IL1RAPL1: variants seen among roughly 807,000 people sequenced by gnomAD.
The protein encoded by IL1RAPL1 is interleukin 1 receptor accessory protein like 1.
In IL1RAPL1, 3 loss-of-function variants were observed where a neutral mutation model predicts 48.4. The ratio of observed to expected loss-of-function variants is 0.06; its 90% CI spans 0.03 to 0.16. IL1RAPL1 has a LOEUF of 0.16. IL1RAPL1 is among the 10% of genes least tolerant of loss of function. IL1RAPL1 has a pLI of 1.00. For synonymous variants in IL1RAPL1, 185 were observed against 187.7 expected, an observed-to-expected ratio of 0.99 and a Z score of 0.12; for missense variants, 349 against 530.6, an observed-to-expected ratio of 0.66 and a Z score of 3.36.
chrX:28,818,916 A>G (rs1239646645), intron 2 of IL1RAPL1, among the ~76,000 whole-genome samples: 2 of 110,904 alleles, frequency 1.8e-5, no homozygotes, highest in African/African-American at 3.3e-5. Context: ...AAATATTGGA[A>G]GCATGTACAT....
chrX:29,660,143 C>A (rs2147096211), intron 5 of IL1RAPL1, among the ~76,000 whole-genome samples: 1 of 111,378 alleles, frequency 9.0e-6, no homozygotes, highest in African/African-American at 3.3e-5. Flanking sequence ...GAAGTCCGCC[C>A]CCATGATCCA....
intron 2 of IL1RAPL1, among the ~76,000 whole-genome samples, chrX:29,023,637 G>A (rs1926419715): frequency 8.9e-6 from 1 of 112,381 alleles, no homozygotes; most frequent in African/African-American, 3.2e-5. Context: ...GATGTGTTAT[G>A]CAAAAGAGGG....
chrX:29,068,048 A>G (rs1271204539), intron 2 of IL1RAPL1, among the ~76,000 whole-genome samples: 3 of 111,635 alleles, frequency 2.7e-5, no homozygotes, highest in Non-Finnish European at 3.8e-5. Context: ...TATCTCTAGT[A>G]TGATCATCTC....
chrX:29,807,366 G>A (rs1051615230), intron 6 of IL1RAPL1, among the ~76,000 whole-genome samples: 15 of 109,586 alleles, frequency 1.4e-4, no homozygotes, highest in African/African-American at 5.0e-4. Flanking sequence ...TGTAATCCCA[G>A]CACTTTGGGA....
chrX:29,851,446 A>G (rs1304435290), intron 6 of IL1RAPL1, among the ~76,000 whole-genome samples: 2 of 112,160 alleles, frequency 1.8e-5, no homozygotes, highest in East Asian at 2.8e-4. Context: ...GAATAACTCA[A>G]TTTCCAGAAG....
At chrX:29,779,385 T>C (rs1384777923) in intron 6 of IL1RAPL1, among the ~76,000 whole-genome samples, 2 of 111,275 alleles carry the variant, frequency 1.8e-5, no homozygotes, top group Non-Finnish European at 3.8e-5. Context: ...ACCCATGCTC[T>C]TTAAAAGAGA....
chrX:28,984,767 C>T (rs1022364259), intron 2 of IL1RAPL1, among the ~76,000 whole-genome samples: 1 of 111,681 alleles, frequency 9.0e-6, no homozygotes, highest in Non-Finnish European at 1.9e-5. Flanking sequence ...ACTTGCTATC[C>T]GTCACAAGAA....
At chrX:29,484,405 C>T (rs184484655) in intron 5 of IL1RAPL1, among the ~76,000 whole-genome samples, 22 of 111,657 alleles carry the variant, frequency 2.0e-4, no homozygotes, top group African/African-American at 3.6e-4. Context: ...CCAAAATCCC[C>T]GCCTCCAAAT....
chrX:29,189,784 C>T (rs753463093), intron 2 of IL1RAPL1, among the ~76,000 whole-genome samples: 5 of 111,700 alleles, frequency 4.5e-5, no homozygotes, highest in African/African-American at 1.6e-4. Flanking sequence ...TATCTCTACT[C>T]TGGCACTATC....
intron 2 of IL1RAPL1, among the ~76,000 whole-genome samples, chrX:28,792,509 C>T (rs779595369): frequency 4.0e-5 from 4 of 98,904 alleles, no homozygotes; most frequent in South Asian, 5.2e-4. Flanking sequence ...TAAGGCAGGC[C>T]GGGCGCGTTG....
chrX:29,929,387 C>T (rs751024088), intron 8 of IL1RAPL1, among the ~76,000 whole-genome samples: 5 of 111,616 alleles, frequency 4.5e-5, no homozygotes, highest in South Asian at 7.5e-4. Flanking sequence ...TGCCCCTAGC[C>T]GCACTGTGGG....
chrX:29,830,511 G>C (rs776875249), intron 6 of IL1RAPL1, among the ~76,000 whole-genome samples: 29 of 107,141 alleles, frequency 2.7e-4, no homozygotes, highest in African/African-American at 9.9e-4. Context: ...GTGCAATGGG[G>C]CAATCTCAGC....
chrX:28,942,230 A>T (rs2147349541), intron 2 of IL1RAPL1: 1 of 109,930 alleles, frequency 9.1e-6, no homozygotes, highest in East Asian at 2.9e-4. Flanking sequence ...TTAGTCATCT[A>T]ATTTGCGGCT....
At chrX:28,631,050 G>A (rs1309277480) in intron 1 of IL1RAPL1, among the ~76,000 whole-genome samples, 1 of 111,781 alleles carries the variant, frequency 8.9e-6, no homozygotes, top group Non-Finnish European at 1.9e-5. Flanking sequence ...AGTAGAAGAT[G>A]GATAACAGTG....
chrX:29,625,690 C>A (rs962025050), intron 5 of IL1RAPL1, among the ~76,000 whole-genome samples: 1 of 111,697 alleles, frequency 9.0e-6, no homozygotes, highest in African/African-American at 3.3e-5. Context: ...AAAGTCACTT[C>A]TAGTTTCTAT....
intron 6 of IL1RAPL1, among the ~76,000 whole-genome samples, chrX:29,673,399 C>T (rs892503396): frequency 5.4e-5 from 6 of 111,379 alleles, no homozygotes; most frequent in African/African-American, 1.6e-4. Context: ...AAGTCAGTAT[C>T]GGCCAGATTT....
chrX:29,940,060 G>A (rs1055658224), intron 8 of IL1RAPL1, among the ~76,000 whole-genome samples: 4 of 109,743 alleles, frequency 3.6e-5, no homozygotes, highest in African/African-American at 6.7e-5. Flanking sequence ...ACAGGGTTTC[G>A]CCACGTTGGC....
At chrX:28,923,462 A>G (rs2147338731) in intron 2 of IL1RAPL1, among the ~76,000 whole-genome samples, 1 of 111,438 alleles carries the variant, frequency 9.0e-6, no homozygotes, top group Admixed American at 9.6e-5. Context: ...GGTGTGAGCT[A>G]TCGTGCCCAG....
rs189770367 is a variant in IL1RAPL1 at position 29,104,713 on chromosome X, A to G, written c.83-178225A>G. Among the ~76,000 whole-genome samples, 221 of 111,395 alleles carry G rather than the reference A, an allele frequency of 2.0e-3. 2 individuals are homozygous for G. Among genetic ancestry groups the G allele is most frequent in the African/African-American group, 6.9e-3 (211 of 30,672 alleles). On this transcript the variant is annotated intron_variant, in intron 2 of 10. Coordinates refer to ENST00000378993, the MANE Select transcript of IL1RAPL1 (RefSeq NM_014271.4). The stretch of plus-strand genomic sequence containing the variant: ...TGATTGTCAGGTATTACATGCCTGT[A>G]TCAATACATCTCATGTACCCCATAA...
Sources: allele counts gnomAD v4.1 joint callset (sites outside exome capture counted in the v4.1 genomes callset), GRCh38; gene constraint gnomAD v4.1.1; transcripts MANE v1.5; gene names NCBI Gene and HGNC (gene_info 2026-07-23, HGNC 2026-07-21).